COBL: variants seen among roughly 807,000 people sequenced by gnomAD.
COBL encodes the protein protein cordon-bleu.
A neutral mutation model predicts 98.8 loss-of-function variants in COBL; 51 were observed. That is an observed-to-expected ratio of 0.52 (90% CI 0.41 to 0.65). COBL has a LOEUF of 0.65. Ranked by LOEUF, COBL falls within the 30% of genes least tolerant of loss-of-function variation. The pLI is 0.00. For synonymous variants in COBL, 634 were observed against 651.7 expected, an observed-to-expected ratio of 0.97 and a Z score of 0.41; for missense variants, 1,617 against 1,617.5, an observed-to-expected ratio of 1.00 and a Z score of 0.01.
At chr7:51,234,389 A>T (rs1174046293) in intron 1 of COBL, among the ~76,000 whole-genome samples, 7 of 152,198 alleles carry the variant, frequency 4.6e-5, no homozygotes. Flanking sequence ...CCCACTTCCC[A>T]AATAACACCA....
chr7:51,257,523 A>G (rs1797302691), intron 1 of COBL, among the ~76,000 whole-genome samples: 1 of 152,252 alleles, frequency 6.6e-6, no homozygotes, highest in East Asian at 1.9e-4. Context: ...AATACCGTCA[A>G]GCAATATGCA....
At position 51,283,632 on chromosome 7, in the gene COBL, G is replaced by A. The variant is rs149452429; in HGVS notation, c.41+32961C>T. Among the ~76,000 whole-genome samples, 1,152 of 151,992 alleles carry A rather than the reference G, an allele frequency of 7.6e-3. 15 individuals are homozygous for A. The highest frequency in any genetic ancestry group is 0.027 in the African/African-American group (1,117 of 41,462). On this transcript the variant is annotated intron_variant, in intron 1 of 12. Coordinates refer to ENST00000265136, the MANE Select transcript of COBL (RefSeq NM_015198.5). ...CCTGAGTAGCTGGGATTACATGTGC[G>A]CACCACCACGCCCAGCTAATTTTTG...
At chr7:51,165,210 T>C (rs774453560) in intron 5 of COBL, among the ~76,000 whole-genome samples, 5 of 151,974 alleles carry the variant, frequency 3.3e-5, no homozygotes, top group Non-Finnish European at 5.9e-5. Context: ...CACTGATCTG[T>C]TGCCTACAAG....
At chr7:51,270,420 C>T (rs150226965) in intron 1 of COBL, among the ~76,000 whole-genome samples, 7 of 152,300 alleles carry the variant, frequency 4.6e-5, no homozygotes, top group Admixed American at 6.5e-5. Flanking sequence ...GTGCCCACTA[C>T]GTGCCAGGCA....
In COBL at chr7:51,164,710, C is replaced by T. The variant is rs187747635; in HGVS notation, c.783+19392G>A. Among the ~76,000 whole-genome samples, 280 of 152,086 alleles carry T rather than the reference C, an allele frequency of 1.8e-3. 3 individuals carry two copies. The highest frequency in any genetic ancestry group is 5.8e-3 in the African/African-American group (239 of 41,548). On this transcript the variant is annotated intron_variant, in intron 5 of 12. Coordinates refer to ENST00000265136, the MANE Select transcript of COBL (RefSeq NM_015198.5). The stretch of plus-strand genomic sequence containing the variant: ...GTAATAGTAAGAACACAGAAAAACA[C>T]AGAATATGATAACACTGTAACTATG...
At chr7:51,313,118 A>T (rs968315691) in intron 1 of COBL, among the ~76,000 whole-genome samples, 1 of 152,238 alleles carries the variant, frequency 6.6e-6, no homozygotes, top group Non-Finnish European at 1.5e-5. Flanking sequence ...ATCTAACGGG[A>T]AAAGTTTTAT....
intron 6 of COBL, among the ~76,000 whole-genome samples, chr7:51,089,199 A>G (rs1198162834): frequency 6.6e-6 from 1 of 152,044 alleles, no homozygotes; most frequent in African/African-American, 2.4e-5. Flanking sequence ...CTTCTGCTTT[A>G]CTAGGTATTT....
At chr7:51,217,749 A>G (rs1584211036) in intron 2 of COBL, among the ~76,000 whole-genome samples, 1 of 152,318 alleles carries the variant, frequency 6.6e-6, no homozygotes, top group South Asian at 2.1e-4. Flanking sequence ...TGCATATACT[A>G]AAGTGTTTTT....
At chr7:51,315,104 G>A (rs1803412749) in intron 1 of COBL, among the ~76,000 whole-genome samples, 1 of 152,070 alleles carries the variant, frequency 6.6e-6, no homozygotes, top group African/African-American at 2.4e-5. Context: ...CATTTAATAG[G>A]CTATGAAAGC....
At chr7:51,131,883 T>C (rs1335689939) in intron 6 of COBL, among the ~76,000 whole-genome samples, 1 of 152,102 alleles carries the variant, frequency 6.6e-6, no homozygotes, top group Non-Finnish European at 1.5e-5. Context: ...TGAGCCACCA[T>C]GCCCGGTGAT....
chr7:51,035,123 C>A (rs2240093), intron 8 of COBL: 56,549 of 151,970 alleles, frequency 0.37, 10,969 homozygotes, highest in South Asian at 0.47. Context: ...TCCACCCAGC[C>A]GGGTGTGTGC....
At chr7:51,270,334 T>A (rs1176211123) in intron 1 of COBL, among the ~76,000 whole-genome samples, 1 of 152,106 alleles carries the variant, frequency 6.6e-6, no homozygotes, top group African/African-American at 2.4e-5. Context: ...CAAAACAAGA[T>A]CTCCTCCAAA....
intron 8 of COBL, chr7:51,034,519 A>T (rs1388101233): frequency 1.3e-5 from 2 of 152,260 alleles, no homozygotes; most frequent in African/African-American, 4.8e-5. Context: ...CAGTGTAAGA[A>T]AGCAGGAGGG....
chr7:51,292,881 T>C (rs1472406125), intron 1 of COBL, among the ~76,000 whole-genome samples: 3 of 152,236 alleles, frequency 2.0e-5, no homozygotes, highest in Non-Finnish European at 4.4e-5. Context: ...ACAGGTTTCA[T>C]GCACCCCACA....
intron 7 of COBL, among the ~76,000 whole-genome samples, chr7:51,060,495 G>A (rs992842241): frequency 1.3e-5 from 2 of 152,046 alleles, no homozygotes; most frequent in East Asian, 1.9e-4. Context: ...ACAGTAGAGT[G>A]GCCTTTTGAA....
chr7:51,149,971 C>G (rs1031218861), intron 5 of COBL, among the ~76,000 whole-genome samples: 1 of 152,162 alleles, frequency 6.6e-6, no homozygotes, highest in Non-Finnish European at 1.5e-5. Flanking sequence ...TCCTTTGGAA[C>G]TTCTCATGTT....
intron 2 of COBL, among the ~76,000 whole-genome samples, chr7:51,209,068 AAAAAC>A (rs1792143796): frequency 6.7e-6 from 1 of 150,344 alleles, no homozygotes; most frequent in African/African-American, 2.4e-5. Context: ...AAAAAAAAAA[AAAAAC>A]ATTTGCAAAG....
At chr7:51,161,895 C>A (rs1265473750) in intron 5 of COBL, among the ~76,000 whole-genome samples, 2 of 152,196 alleles carry the variant, frequency 1.3e-5, no homozygotes, top group Non-Finnish European at 2.9e-5. Context: ...GGATTAGAAC[C>A]CACGTCACTT....
intron 7 of COBL, chr7:51,073,502 A>G: frequency 2.0e-6 from 1 of 498,626 alleles, no homozygotes; most frequent in Non-Finnish European, 3.6e-6. Flanking sequence ...CAAGCGTTCT[A>G]TCAGCCAAAG....
Sources: gnomAD v4.1 joint callset for allele counts (sites outside exome capture counted in the v4.1 genomes callset) on GRCh38, gnomAD v4.1.1 for gene constraint, MANE v1.5 for transcripts, NCBI Gene and HGNC (gene_info 2026-07-23, HGNC 2026-07-21) for gene names.